Variants in SMG6 observed in about 807,000 individuals in gnomAD.
SMG6 encodes SMG6 nonsense mediated mRNA decay factor, also known as telomerase-binding protein EST1A.
Under a neutral mutation model 142.2 loss-of-function variants are expected in SMG6, and 66 were observed. That is an observed-to-expected ratio of 0.46 (90% CI 0.38 to 0.57). The LOEUF is 0.57. Among genes scored for constraint, SMG6 ranks in the 20% least tolerant of loss-of-function variants. The probability of loss-of-function intolerance (pLI) is 0.00; values close to 1 mark genes in which losing one functional copy is unlikely to be tolerated. For synonymous variants in SMG6, 779 were observed against 702.4 expected (o/e 1.11, Z -1.72); for missense variants, 1,793 against 1,832.0 (o/e 0.98, Z 0.39).
In SMG6 at chr17:2,085,320, G is replaced by C. The variant is rs1330797531; in HGVS notation, c.3534+405C>G. On this transcript the variant is annotated intron_variant, in intron 14 of 18. Transcript: ENST00000263073. This position sits in a 1 kb window ranked among gnomAD's most constrained non-coding sequence, Gnocchi z 4.1. The stretch of plus-strand genomic sequence containing the variant: ...CAGGGGAGGGGTGATTTTCCACACA[G>C]GGCCAGCAATGTCAGCTCTTCCTGT... Among the ~76,000 whole-genome samples the C allele has an allele frequency of 1.3e-5, 2 of 152,098 alleles. No individual in the cohort carries two copies. Among genetic ancestry groups the C allele is most frequent in the African/African-American group, 4.8e-5 (2 of 41,398 alleles).
At position 2,065,255 on chromosome 17, in the gene SMG6, C is replaced by A; in HGVS notation, c.4048-101G>T. ...CCTCGGGGGCCCTGGGCAGGGCCAC[C>A]TCCCCGATCCCTCCCATGCATGCGC... is the stretch of plus-strand genomic sequence containing the variant. On this transcript the variant is annotated intron_variant, in intron 17 of 18. Transcript: ENST00000263073. 2 of 1,092,660 alleles carry A rather than the reference C, an allele frequency of 1.8e-6. 1 individual carries two copies. The highest frequency in any genetic ancestry group is 2.8e-5 in the South Asian group (2 of 72,516). The allele number at this position is 1,092,660 out of a possible 1,614,324, so 67.7% of individuals were successfully genotyped here. A position where few individuals can be genotyped will look rare whatever the true frequency, so the allele number is the denominator to read the frequency against.
At chr17:2,275,173 G>C (rs1050162753) in intron 8 of SMG6, among the ~76,000 whole-genome samples, 1 of 152,192 alleles carries the variant, frequency 6.6e-6, no homozygotes, top group Non-Finnish European at 1.5e-5. Flanking sequence ...TGTCATCCCA[G>C]CACTTTGGCA....
At chr17:2,100,830 A>G (rs58018661) in intron 13 of SMG6, among the ~76,000 whole-genome samples, 2,692 of 150,908 alleles carry the variant, frequency 0.018, 84 homozygotes, top group African/African-American at 0.063. Context: ...TACAGGTGTG[A>G]GCCACAGCAC....
intron 13 of SMG6, among the ~76,000 whole-genome samples, chr17:2,162,927 G>C (rs1406307660): frequency 6.6e-5 from 10 of 152,082 alleles, no homozygotes; most frequent in African/African-American, 1.9e-4. Context: ...TGCCTCCTTG[G>C]TTCAAGTGAT....
At chr17:2,061,776 AG>A in intron 18 of SMG6, 154 bp from the exon 19 acceptor site, 1 of 869,962 alleles carries the variant, frequency 1.1e-6, no homozygotes, top group South Asian at 1.7e-5. Flanking sequence ...CCGGGCTCTC[AG>A]CCCCGGGGAC....
Position 2,300,654 on chromosome 17 carries a change from C to G in SMG6, c.99G>C (p.Lys33Asn), listed in dbSNP as rs762605087. The G allele has an allele frequency of 8.2e-6, 13 of 1,579,124 alleles. No individual in the cohort carries two copies. The highest frequency in any genetic ancestry group is 9.4e-6 in the Non-Finnish European group (11 of 1,166,386). Residue 33 changes from lysine (K) to asparagine (N), a missense_variant, in exon 2 of 19, where the codon AAG becomes AAC. Physicochemically the swap from Lys to Asn is moderately conservative, Grantham distance 94 (BLOSUM62 0). Around this residue, in one of 3 missense-constraint regions of SMG6, gnomAD observed 1,597 missense variants for 1,584.6 expected, o/e 1.01. Coordinates refer to ENST00000263073, the MANE Select transcript of SMG6 (RefSeq NM_017575.5). ...APQAGSRENM[K>N]ELKEARPRKD... ...TGCGCGGCCTGGCCTCCTTTAATTC[C>G]TTCATGTTTTCTGTTATGTCGGGGA...
chr17:2,090,474 A>T (rs2151446860), intron 13 of SMG6, among the ~76,000 whole-genome samples: 1 of 152,300 alleles, frequency 6.6e-6, no homozygotes, highest in African/African-American at 2.4e-5. Flanking sequence ...GCCAGGGAAT[A>T]TGAGGAAGGG....
At chr17:2,232,425 C>G (rs778973125) in intron 10 of SMG6, among the ~76,000 whole-genome samples, 3 of 152,160 alleles carry the variant, frequency 2.0e-5, no homozygotes, top group Non-Finnish European at 4.4e-5. Flanking sequence ...TGGGAACCAC[C>G]TATCTCACCA....
chr17:2,260,679 GA>G lies in SMG6; in HGVS notation c.2662-15961del, dbSNP rs374344011. Among the ~76,000 whole-genome samples the G allele has an allele frequency of 7.1e-3, 1,083 of 152,240 alleles. 11 individuals are homozygous for G. Among genetic ancestry groups the G allele is most frequent in the Middle Eastern group, 0.027 (8 of 294 alleles). On this transcript the variant is annotated intron_variant, in intron 8 of 18. Coordinates refer to ENST00000263073, the MANE Select transcript of SMG6 (RefSeq NM_017575.5). ...TGTCACTGCTATCATTAAACGTATA[GA>G]AAAAAATTTGAGTTTAGAGTTAAAA...
chr17:2,271,710 G>A (rs968762464), intron 8 of SMG6, among the ~76,000 whole-genome samples: 6 of 151,570 alleles, frequency 4.0e-5, no homozygotes, highest in African/African-American at 4.9e-5. Context: ...GCAAGACTCC[G>A]TCTCAAAAAA....
At chr17:2,276,254 C>T (rs2074645574) in intron 8 of SMG6, among the ~76,000 whole-genome samples, 1 of 152,080 alleles carries the variant, frequency 6.6e-6, no homozygotes. Context: ...GAACTGCATC[C>T]AGTTGAATCA....
intron 13 of SMG6, among the ~76,000 whole-genome samples, chr17:2,106,247 G>GT (rs1248447335): frequency 6.6e-6 from 1 of 152,230 alleles, no homozygotes; most frequent in East Asian, 1.9e-4. Context: ...ACTAAGGGAA[G>GT]TTTCTTCAAA....
intron 13 of SMG6, among the ~76,000 whole-genome samples, chr17:2,154,210 C>T (rs57205475): frequency 1.0e-4 from 10 of 96,838 alleles, no homozygotes; most frequent in Admixed American, 1.2e-4. Flanking sequence ...GGGATGCACG[C>T]AGAGTGTGAC....
chr17:2,271,917 G>T (rs988231501), intron 8 of SMG6, among the ~76,000 whole-genome samples: 7 of 152,032 alleles, frequency 4.6e-5, no homozygotes, highest in Admixed American at 3.3e-4. Context: ...CAAACTGTGG[G>T]GTAAAAGATT....
intron 8 of SMG6, among the ~76,000 whole-genome samples, chr17:2,252,305 CAGG>C (rs1483601082): frequency 6.6e-6 from 1 of 151,460 alleles, no homozygotes; most frequent in African/African-American, 2.4e-5. Flanking sequence ...GAGGCTGAGG[CAGG>C]AGAATTGCTT....
At chr17:2,166,424 A>C (rs1181907679) in intron 13 of SMG6, among the ~76,000 whole-genome samples, 2 of 152,204 alleles carry the variant, frequency 1.3e-5, no homozygotes, top group Admixed American at 1.3e-4. Flanking sequence ...AAAAATGCCA[A>C]ATGAAAAAGA....
intron 13 of SMG6, among the ~76,000 whole-genome samples, chr17:2,112,818 C>T (rs935752162): frequency 1.4e-5 from 2 of 147,182 alleles, no homozygotes; most frequent in African/African-American, 2.5e-5. Flanking sequence ...AGTGCAGTGG[C>T]GCAATCACAG....
intron 8 of SMG6, 21 bp downstream of exon 8, chr17:2,282,626 G>T: frequency 4.3e-6 from 7 of 1,612,026 alleles, no homozygotes; most frequent in Non-Finnish European, 5.9e-6. Flanking sequence ...TTGGCTCATT[G>T]CATCATTCTC....
rs757528837 is a variant in SMG6, at chr17:2,065,130, A to C, written c.4072T>G (p.Ser1358Ala). The C allele has an allele frequency of 6.2e-7, 1 of 1,613,868 alleles. No individual in the cohort carries two copies. The highest frequency in any genetic ancestry group is 1.7e-5 in the Admixed American group (1 of 60,004). ...QLGNNDDLILSCCLHYCKDKA... is the reference protein window; with the variant it reads ...QLGNNDDLILACCLHYCKDKA... ...TCTTTGCAGTAGTGGAGGCAGCAGGACAGGATGAGATCATCGTTGTTACCC... is the reference window on the plus strand; with the variant it reads ...TCTTTGCAGTAGTGGAGGCAGCAGGCCAGGATGAGATCATCGTTGTTACCC... The change falls in exon 18 of 19, where the codon TCC becomes GCC. Residue 1358 changes from serine to alanine, a missense_variant. Coordinates refer to ENST00000263073, the MANE Select transcript of SMG6 (RefSeq NM_017575.5).
Sources: gnomAD v4.1 joint callset for allele counts (sites outside exome capture counted in the v4.1 genomes callset) on GRCh38, gnomAD v4.1.1 for gene constraint, gnomAD v4.1.1 regional missense constraint, Gnocchi (gnomAD v3.1) non-coding constraint, MANE v1.5 for transcripts, NCBI Gene and HGNC (gene_info 2026-07-23, HGNC 2026-07-21) for gene names.